The following LRFN5 variants were observed in gnomAD, a reference collection of about 807,000 sequenced individuals.
LRFN5 encodes leucine-rich repeat and fibronectin type-III domain-containing protein 5.
A neutral mutation model predicts 45.6 loss-of-function variants in LRFN5; 24 were observed. The observed-to-expected ratio is 0.53, with a 90% CI of 0.38 to 0.74. The LOEUF (loss-of-function observed/expected upper bound fraction) is 0.74, where lower values mean the gene tolerates loss of function less well. Among genes scored for constraint, LRFN5 ranks in the 30% least tolerant of loss-of-function variants. The probability of loss-of-function intolerance (pLI) is 0.00; values close to 1 mark genes in which losing one functional copy is unlikely to be tolerated. For missense variants in LRFN5, 776 were observed against 861.5 expected, an observed-to-expected ratio of 0.90 and a Z score of 1.24; for synonymous variants, 340 against 313.8, an observed-to-expected ratio of 1.08 and a Z score of -0.88.
intron 1 of LRFN5, among the ~76,000 whole-genome samples, chr14:41,749,666 G>C (rs1190895168): frequency 6.6e-6 from 1 of 152,130 alleles, no homozygotes; most frequent in Non-Finnish European, 1.5e-5. Context: ...GGGTCTATTT[G>C]AGTGGGAGGA....
chr14:41,782,749 T>G (rs975218331), intron 2 of LRFN5, among the ~76,000 whole-genome samples: 1 of 152,164 alleles, frequency 6.6e-6, no homozygotes, highest in African/African-American at 2.4e-5. Flanking sequence ...GTACTTATTT[T>G]TGTCCCTCTT....
chr14:41,648,188 T>C (rs1378360750), intron 1 of LRFN5, among the ~76,000 whole-genome samples: 1 of 152,122 alleles, frequency 6.6e-6, no homozygotes. Context: ...CCACCAGTAA[T>C]TTTTCAGAAG....
chr14:41,739,402 T>TCAC (rs1297032488), intron 1 of LRFN5, among the ~76,000 whole-genome samples: 1 of 151,312 alleles, frequency 6.6e-6, no homozygotes, highest in African/African-American at 2.4e-5. Flanking sequence ...ATCATCATCA[T>TCAC]CATCATCATC....
At chr14:41,800,420 A>G (rs1887286274) in intron 2 of LRFN5, among the ~76,000 whole-genome samples, 1 of 151,954 alleles carries the variant, frequency 6.6e-6, no homozygotes, top group African/African-American at 2.4e-5. Flanking sequence ...AGAAATTTGT[A>G]TTAACATATA....
chr14:41,704,539 G>A (rs1882984523), intron 1 of LRFN5, among the ~76,000 whole-genome samples: 1 of 151,490 alleles, frequency 6.6e-6, no homozygotes, highest in African/African-American at 2.4e-5. Context: ...GTGTACCACA[G>A]TCTTGAACTC....
At chr14:41,801,089 T>C (rs1459681115) in intron 2 of LRFN5, among the ~76,000 whole-genome samples, 2 of 152,120 alleles carry the variant, frequency 1.3e-5, no homozygotes, top group African/African-American at 4.8e-5. Context: ...TATTACATAA[T>C]ATACATGTGA....
At chr14:41,875,450 T>C (rs1477353642) in intron 2 of LRFN5, among the ~76,000 whole-genome samples, 4 of 152,254 alleles carry the variant, frequency 2.6e-5, no homozygotes, top group Non-Finnish European at 5.9e-5. Flanking sequence ...TAGTATTTAC[T>C]GGTAGGATCC....
chr14:41,721,647 T>C (rs980647578), intron 1 of LRFN5, among the ~76,000 whole-genome samples: 6 of 152,162 alleles, frequency 3.9e-5, no homozygotes, highest in Admixed American at 2.0e-4. Flanking sequence ...TGGTATATGA[T>C]ATTCTGGGTT....
At chr14:41,826,678 C>T (rs1359350872) in intron 2 of LRFN5, among the ~76,000 whole-genome samples, 3 of 152,080 alleles carry the variant, frequency 2.0e-5, no homozygotes, top group Non-Finnish European at 4.4e-5. Flanking sequence ...GGATTATTGA[C>T]TAGAAGCATG....
chr14:41,731,999 A>G (rs1884200383), intron 1 of LRFN5: 1 of 152,216 alleles, frequency 6.6e-6, no homozygotes, highest in African/African-American at 2.4e-5. Flanking sequence ...TCTCATCCAG[A>G]CAACAAATTT....
intron 2 of LRFN5, among the ~76,000 whole-genome samples, chr14:41,770,530 C>T (rs963425432): frequency 6.6e-6 from 1 of 152,160 alleles, no homozygotes; most frequent in African/African-American, 2.4e-5. Flanking sequence ...TGGCAAAAAG[C>T]AAGGGGTAAT....
intron 2 of LRFN5, among the ~76,000 whole-genome samples, chr14:41,811,110 A>G (rs1027158244): frequency 6.6e-6 from 1 of 152,232 alleles, no homozygotes; most frequent in Admixed American, 6.6e-5. Context: ...AGGTGCAAAT[A>G]ATCTGAACAG....
intron 1 of LRFN5, among the ~76,000 whole-genome samples, chr14:41,690,004 A>C (rs370435846): frequency 3.9e-5 from 6 of 152,156 alleles, no homozygotes; most frequent in African/African-American, 1.4e-4. Context: ...CTAACTTTTT[A>C]CAAACTCTCT....
intron 1 of LRFN5, among the ~76,000 whole-genome samples, chr14:41,662,367 G>A (rs907393960): frequency 2.0e-5 from 3 of 151,926 alleles, no homozygotes; most frequent in Non-Finnish European, 2.9e-5. Flanking sequence ...TGGGGTATGT[G>A]ACTTAAGGAT....
intron 2 of LRFN5, among the ~76,000 whole-genome samples, chr14:41,797,596 A>G (rs951615541): frequency 2.0e-5 from 3 of 151,602 alleles, no homozygotes; most frequent in Non-Finnish European, 4.4e-5. Context: ...AGAATTTGCT[A>G]AATTTCCAGC....
At chr14:41,762,494 C>T (rs1416519206) in intron 1 of LRFN5, among the ~76,000 whole-genome samples, 2 of 151,974 alleles carry the variant, frequency 1.3e-5, no homozygotes, top group East Asian at 3.9e-4. Flanking sequence ...TCAATCATTG[C>T]CTCTAATTTA....
intron 4 of LRFN5, chr14:41,892,746 A>G (rs1890826900): frequency 1.0e-6 from 1 of 985,336 alleles, no homozygotes; most frequent in Non-Finnish European, 1.2e-6. Context: ...CTCCTCTATG[A>G]TACACCTTTT....
intron 1 of LRFN5, among the ~76,000 whole-genome samples, chr14:41,753,247 G>A (rs926355072): frequency 8.0e-5 from 12 of 150,874 alleles, no homozygotes; most frequent in East Asian, 3.9e-4. Context: ...TTGGCGATGC[G>A]GGCTCTTTTT....
At chr14:41,695,405 C>A (rs12590193) in intron 1 of LRFN5, among the ~76,000 whole-genome samples, 2 of 151,876 alleles carry the variant, frequency 1.3e-5, no homozygotes, top group African/African-American at 4.8e-5. Flanking sequence ...AGCAGATTTT[C>A]AATATAGACA....
Sources: allele counts gnomAD v4.1 joint callset (sites outside exome capture counted in the v4.1 genomes callset), GRCh38; gene constraint gnomAD v4.1.1; transcripts MANE v1.5; gene names NCBI Gene and HGNC (gene_info 2026-07-23, HGNC 2026-07-21).